The following P4HTM variants were observed in gnomAD, a reference collection of about 807,000 sequenced individuals.
P4HTM encodes transmembrane prolyl 4-hydroxylase.
In P4HTM, 33 loss-of-function variants were observed where a neutral mutation model predicts 55.3. The observed-to-expected ratio is 0.60, with a 90% CI of 0.45 to 0.80. P4HTM has a LOEUF of 0.80. Ranked by LOEUF, P4HTM falls within the 30% of genes least tolerant of loss-of-function variation. The probability of loss-of-function intolerance (pLI) is 0.00; values close to 1 mark genes in which losing one functional copy is unlikely to be tolerated. For missense variants in P4HTM, 542 were observed against 696.5 expected, an observed-to-expected ratio of 0.78 and a Z score of 2.50; for synonymous variants, 272 against 286.4, an observed-to-expected ratio of 0.95 and a Z score of 0.51.
At chr3:49,001,347 C>G in intron 2 of P4HTM, 91 bp from the exon 3 acceptor site, 1 of 1,170,792 alleles carries the variant, frequency 8.5e-7, no homozygotes, top group Non-Finnish European at 1.3e-6. Context: ...GAGGGACATG[C>G]AGTACCCCAG....
chr3:49,005,670 G>A (rs750663674), intron 6 of P4HTM, 107 bp from the exon 7 acceptor site: 1 of 1,495,126 alleles, frequency 6.7e-7, no homozygotes, highest in South Asian at 1.4e-5. Flanking sequence ...ATCCTAGTCT[G>A]TCCTGGTCCC....
rs2092928940 is a variant in P4HTM at position 48,990,772 on chromosome 3, T to G, written c.355-61T>G. On this transcript the variant is annotated intron_variant, in intron 1 of 8. Coordinates refer to ENST00000383729, the MANE Select transcript of P4HTM (RefSeq NM_177939.3). The surrounding 1 kb of genome is among the most constrained non-coding windows in gnomAD (Gnocchi z 7.2). ...TGTCGCTCTCCGGGCCGGGGCGACTTGGCCCTTCTTGGGCAGCGCGGTCTG... is the reference window on the plus strand; with the variant it reads ...TGTCGCTCTCCGGGCCGGGGCGACTGGGCCCTTCTTGGGCAGCGCGGTCTG... 4 of 1,564,106 alleles carry G rather than the reference T, an allele frequency of 2.6e-6. No individual in the cohort carries two copies. The highest frequency in any genetic ancestry group is 3.5e-6 in the Non-Finnish European group (4 of 1,140,114).
In P4HTM at chr3:49,001,613, C is replaced by G; in HGVS notation, c.612C>G (p.His204Gln). ...TGCTGGACCAGAACCGTGATGGGCA[C>G]CTTCAGCTCCGTGAGGTTGGAATCC... ...FRLLDQNRDG[H>Q]LQLREVLAQT... Residue 204 changes from histidine (H) to glutamine (Q), a missense_variant, in exon 3 of 9, where the codon CAC becomes CAG. Coordinates refer to ENST00000383729, the MANE Select transcript of P4HTM (RefSeq NM_177939.3). 2.5e-6 allele frequency: 4 copies of G among 1,610,448 alleles called. No homozygotes were observed. The highest frequency in any genetic ancestry group is 1.3e-5 in the African/African-American group (1 of 74,982).
At chr3:49,001,980 C>T (rs2092962522) in intron 3 of P4HTM, among the ~76,000 whole-genome samples, 1 of 152,270 alleles carries the variant, frequency 6.6e-6, no homozygotes, top group African/African-American at 2.4e-5. Context: ...CTGCCTCTCT[C>T]TCTGCATAAC....
intron 2 of P4HTM, among the ~76,000 whole-genome samples, chr3:48,995,882 A>G (rs1054483227): frequency 2.6e-5 from 4 of 152,080 alleles, no homozygotes; most frequent in African/African-American, 9.7e-5. Context: ...CTCCGTGCCC[A>G]GCCTCCCGCT....
At chr3:48,990,109 G>T (rs1471450306), upstream of P4HTM, 48 of 694,246 alleles carry the variant, frequency 6.9e-5, no homozygotes, top group Non-Finnish European at 8.6e-5. The surrounding 1 kb of genome is among the most constrained non-coding windows in gnomAD (Gnocchi z 7.2). Flanking sequence ...CGGCGCGGAC[G>T]CAGGCGGCTC....
intron 2 of P4HTM, among the ~76,000 whole-genome samples, chr3:48,993,120 C>T (rs1247226534): frequency 6.6e-6 from 1 of 151,984 alleles, no homozygotes; most frequent in African/African-American, 2.4e-5. Flanking sequence ...GCCTGACCAA[C>T]ATGGGGGAAC....
At chr3:48,998,820 G>A (rs1467066491) in intron 2 of P4HTM, among the ~76,000 whole-genome samples, 2 of 152,176 alleles carry the variant, frequency 1.3e-5, no homozygotes. Flanking sequence ...TTGTTCACAG[G>A]ATAGGTTAGG....
In P4HTM at chr3:49,006,886, C is replaced by T; in HGVS notation, c.1488C>T (p.Arg496=). ...AGTGGGCTCTGGACCGGGCCTACCGCGATGCGCGCGTGGAACTCTGAGGGA... is the reference window on the plus strand; with the variant it reads ...AGTGGGCTCTGGACCGGGCCTACCGTGATGCGCGCGTGGAACTCTGAGGGA... ...QPEWALDRAY[R]DARVEL The change falls in exon 9 of 9, where the codon CGC becomes CGT. Residue 496 remains arginine (R), a synonymous_variant. Transcript: ENST00000383729. The T allele has an allele frequency of 6.2e-7, 1 of 1,612,292 alleles. No individual in the cohort carries two copies. Among genetic ancestry groups the T allele is most frequent in the Non-Finnish European group, 8.5e-7 (1 of 1,179,508 alleles).
intron 2 of P4HTM, chr3:48,998,426 T>C (rs2092952160): frequency 6.6e-6 from 1 of 152,200 alleles, no homozygotes. Context: ...CTCTCCATGT[T>C]CCTACCCCTG....
intron 4 of P4HTM, chr3:49,003,794 C>T (rs2106666567): frequency 3.2e-6 from 1 of 312,020 alleles, no homozygotes; most frequent in Non-Finnish European, 6.0e-6. Context: ...GGCCATATGG[C>T]TCAAGCTTCC....
chr3:48,991,073 T>C (rs994207943), intron 2 of P4HTM, 159 bp downstream of exon 2: 2 of 618,424 alleles, frequency 3.2e-6, no homozygotes, highest in African/African-American at 1.8e-5. Context: ...GTCCTCGAAA[T>C]AGGGTAACAC....
At position 49,006,147 on chromosome 3, in the gene P4HTM, C is replaced by G; in HGVS notation, c.1248C>G (p.Gly416=). 6.2e-7 allele frequency: 1 copy of G among 1,612,878 alleles called. No homozygotes were observed. The highest frequency in any genetic ancestry group is 8.5e-7 in the Non-Finnish European group (1 of 1,179,930). ...KGNLRVKPQQ[G]TAVFWYNYLP... ...ACCTGCGTGTCAAGCCCCAACAGGG[C>G]ACAGCAGTCTTCTGGTACAACTACC... The change falls in exon 8 of 9, where the codon GGC becomes GGG. Residue 416 remains glycine, a synonymous_variant. Coordinates refer to ENST00000383729, the MANE Select transcript of P4HTM (RefSeq NM_177939.3).
intron 8 of P4HTM, 29 bp downstream of exon 8, chr3:49,006,216 G>C (rs1310502297): frequency 1.3e-6 from 2 of 1,598,424 alleles, no homozygotes; most frequent in African/African-American, 2.7e-5. Context: ...GCCTGGGGGG[G>C]GTGCCCTGAG....
At position 49,004,225 on chromosome 3, in the gene P4HTM, G is replaced by A. The variant is rs1030275111; in HGVS notation, c.852G>A (p.Glu284=). 3.2e-6 allele frequency: 5 copies of A among 1,549,018 alleles called. No homozygotes were observed. Among genetic ancestry groups the A allele is most frequent in the Non-Finnish European group, 3.5e-6 (4 of 1,146,790 alleles). The change falls in exon 5 of 9, where the codon GAG becomes GAA. Residue 284 remains glutamate, a synonymous_variant. Transcript: ENST00000383729. ...ACCATACCTGGCTCTACCAGGGTGAGGGTGCCCACCACATCATGCGTGCCA... is the reference window on the plus strand; with the variant it reads ...ACCATACCTGGCTCTACCAGGGTGAAGGTGCCCACCACATCATGCGTGCCA... The part of the protein sequence containing the change: ...NSHHTWLYQG[E]GAHHIMRAIR...
In P4HTM at chr3:49,005,887, T is replaced by C. The variant is rs2092977791; in HGVS notation, c.1164+20T>C. The C allele has an allele frequency of 4.6e-6, 7 of 1,536,292 alleles. No individual in the cohort carries two copies. Among genetic ancestry groups the C allele is most frequent in the African/African-American group, 1.4e-5 (1 of 72,676 alleles). Reference sequence around the variant, plus strand: ...GAAATGGTAAGGGTCAACTGGGCTATTACTCTTGTGGGCTGGCAGGGGCTT... The same window carrying C: ...GAAATGGTAAGGGTCAACTGGGCTACTACTCTTGTGGGCTGGCAGGGGCTT... On this transcript the variant is annotated intron_variant, in intron 7 of 8. Coordinates refer to ENST00000383729, the MANE Select transcript of P4HTM (RefSeq NM_177939.3).
At chr3:49,005,553 C>T (rs2092975375) in intron 6 of P4HTM, 9 of 1,365,000 alleles carry the variant, frequency 6.6e-6, no homozygotes, top group Non-Finnish European at 7.5e-6. Flanking sequence ...TAACTAAGTG[C>T]ACCTGTGATC....
rs187056403 is a variant in P4HTM, at chr3:48,994,170, C to G, written c.436+3256C>G. Among the ~76,000 whole-genome samples, 657 of 152,280 alleles carry G rather than the reference C, an allele frequency of 4.3e-3. 6 individuals are homozygous for G. The highest frequency in any genetic ancestry group is 0.015 in the African/African-American group (618 of 41,548). Reference sequence around the variant, plus strand: ...GCAGGAGCAGTGTCTGTCTTCTGGGCCTGCCTGTCCCTCTGTCCATTGGTC... The same window carrying G: ...GCAGGAGCAGTGTCTGTCTTCTGGGGCTGCCTGTCCCTCTGTCCATTGGTC... On this transcript the variant is annotated intron_variant, in intron 2 of 8. Coordinates refer to ENST00000383729, the MANE Select transcript of P4HTM (RefSeq NM_177939.3).
chr3:48,997,691 G>A (rs1409655368), intron 2 of P4HTM, among the ~76,000 whole-genome samples: 1 of 152,174 alleles, frequency 6.6e-6, no homozygotes, highest in Non-Finnish European at 1.5e-5. Context: ...TTCCTTAGCA[G>A]AATTTTTGGT....
Sources: gnomAD v4.1 joint callset for allele counts (sites outside exome capture counted in the v4.1 genomes callset) on GRCh38, gnomAD v4.1.1 for gene constraint, Gnocchi (gnomAD v3.1) non-coding constraint, MANE v1.5 for transcripts, NCBI Gene and HGNC (gene_info 2026-07-23, HGNC 2026-07-21) for gene names.